The following DAB1 variants were observed in gnomAD, a reference collection of about 807,000 sequenced individuals.
DAB1 encodes DAB adaptor protein 1.
DAB1 carries 15 observed loss-of-function variants against 64.6 expected under a neutral mutation model. The ratio of observed to expected loss-of-function variants is 0.23; its 90% CI spans 0.16 to 0.36. The LOEUF is 0.36. Ranked by LOEUF, DAB1 falls within the 10% of genes least tolerant of loss-of-function variation. The probability of loss-of-function intolerance (pLI) is 1.00; values close to 1 mark genes in which losing one functional copy is unlikely to be tolerated. For missense variants in DAB1, 596 were observed against 706.7 expected (o/e 0.84, Z 1.78); for synonymous variants, 235 against 251.9 (o/e 0.93, Z 0.64).
chr1:57,688,009 A>G (rs1390281606), intron 6 of DAB1, among the ~76,000 whole-genome samples: 1 of 152,198 alleles, frequency 6.6e-6, no homozygotes, highest in Non-Finnish European at 1.5e-5. Context: ...CTTGACAAAT[A>G]ATTTTTGGCT....
At chr1:57,225,615 G>A (rs546527704) in intron 2 of DAB1, among the ~76,000 whole-genome samples, 1 of 152,212 alleles carries the variant, frequency 6.6e-6, no homozygotes, top group African/African-American at 2.4e-5. Context: ...GATGACAACA[G>A]ATAAATTCAA....
At chr1:57,238,170 C>T (rs1469929219) in intron 2 of DAB1, among the ~76,000 whole-genome samples, 4 of 152,154 alleles carry the variant, frequency 2.6e-5, no homozygotes, top group Non-Finnish European at 5.9e-5. Flanking sequence ...GTCCTTGGGC[C>T]AGCAGTATCA....
intron 7 of DAB1, among the ~76,000 whole-genome samples, chr1:57,508,580 AACC>A (rs928524458): frequency 7.2e-5 from 11 of 152,228 alleles, no homozygotes; most frequent in African/African-American, 2.7e-4. Context: ...ACTCTGTTGC[AACC>A]ACTAAACTCT....
At chr1:57,377,977 GA>G (rs1312299942) in intron 1 of DAB1, among the ~76,000 whole-genome samples, 1 of 152,206 alleles carries the variant, frequency 6.6e-6, no homozygotes, top group Non-Finnish European at 1.5e-5. Flanking sequence ...CAGCAATCCT[GA>G]AATGTGGGAG....
chr1:57,482,182 A>G (rs1570561038), intron 7 of DAB1, among the ~76,000 whole-genome samples: 1 of 152,268 alleles, frequency 6.6e-6, no homozygotes, highest in East Asian at 1.9e-4. Context: ...GGTGAGCCAC[A>G]CGAAATCTAA....
intron 5 of DAB1, among the ~76,000 whole-genome samples, chr1:58,118,550 C>CATATATATAAAATACATATATATATACAT (rs1557657908): frequency 3.0e-4 from 24 of 80,378 alleles, no homozygotes; most frequent in Admixed American, 6.0e-4. Context: ...CATATATATA[C>CATATATATAAAATACATATATATATACAT]ATATATATAA....
chr1:58,300,624 G>A lies in DAB1; in HGVS notation n.309+42728C>T, dbSNP rs1205294567. Among the ~76,000 whole-genome samples the A allele has an allele frequency of 8.0e-3, 338 of 42,124 alleles. 7 individuals are homozygous for A. Among genetic ancestry groups the A allele is most frequent in the African/African-American group, 0.012 (195 of 16,140 alleles). 27.6% of individuals were successfully genotyped at this position (42,124 alleles called of 152,430 possible). On this transcript the variant is annotated intron_variant and non_coding_transcript_variant, in intron 4 of 20. Transcript: ENST00000485760. Reference sequence around the variant, plus strand: ...AGAAAGAAAGAAAGAGAGAGAGAGAGAGAGAGAGAGAGAGAGAGAGAGAGG... The same window carrying A: ...AGAAAGAAAGAAAGAGAGAGAGAGAAAGAGAGAGAGAGAGAGAGAGAGAGG...
intron 10 of DAB1, among the ~76,000 whole-genome samples, chr1:57,025,349 G>A (rs1286592442): frequency 6.6e-6 from 1 of 152,178 alleles, no homozygotes; most frequent in Non-Finnish European, 1.5e-5. Context: ...CACTGACTGA[G>A]GTACACTGGC....
At chr1:57,693,651 C>A (rs1646790867) in intron 6 of DAB1, among the ~76,000 whole-genome samples, 1 of 152,188 alleles carries the variant, frequency 6.6e-6, no homozygotes, top group African/African-American at 2.4e-5. Flanking sequence ...ATAAATCTTG[C>A]TGCTGCTCAC....
At chr1:57,553,464 AAGG>A (rs1328014587) in intron 7 of DAB1, among the ~76,000 whole-genome samples, 4 of 28,466 alleles carry the variant, frequency 1.4e-4, no homozygotes, top group African/African-American at 2.9e-4. Flanking sequence ...AAGAAAGAGA[AAGG>A]GAAAGAAAGG....
intron 5 of DAB1, among the ~76,000 whole-genome samples, chr1:58,129,191 T>A (rs1056196841): frequency 6.6e-6 from 1 of 151,324 alleles, no homozygotes; most frequent in Non-Finnish European, 1.5e-5. Context: ...CTTGGGAGAC[T>A]GTATGTGTCC....
At chr1:57,765,869 G>A (rs755501482) in intron 6 of DAB1, among the ~76,000 whole-genome samples, 4 of 151,878 alleles carry the variant, frequency 2.6e-5, no homozygotes, top group Non-Finnish European at 4.4e-5. Context: ...GACCTCAAGT[G>A]ATCTGCCCAC....
At chr1:58,267,159 G>T (rs1661189069) in intron 4 of DAB1, among the ~76,000 whole-genome samples, 2 of 152,186 alleles carry the variant, frequency 1.3e-5, no homozygotes. Context: ...GGTGGAGGTT[G>T]CAGTGAGCTG....
chr1:57,059,544 T>C (rs1650169760), intron 9 of DAB1, among the ~76,000 whole-genome samples: 1 of 151,980 alleles, frequency 6.6e-6, no homozygotes, highest in Admixed American at 6.6e-5. Context: ...AGGCAAGGAT[T>C]TTCAGAGTAC....
intron 3 of DAB1, among the ~76,000 whole-genome samples, chr1:58,367,520 C>T (rs1030527103): frequency 6.6e-6 from 1 of 152,164 alleles, no homozygotes; most frequent in East Asian, 1.9e-4. Context: ...GCTGAATGTC[C>T]AATCTATAAA....
intron 3 of DAB1, among the ~76,000 whole-genome samples, chr1:58,365,999 C>T (rs1557740684): frequency 6.6e-6 from 1 of 152,136 alleles, no homozygotes. Flanking sequence ...GTACAAGAAA[C>T]AGGCCCTGGC....
intron 5 of DAB1, among the ~76,000 whole-genome samples, chr1:58,025,634 A>G (rs1646878689): frequency 8.1e-6 from 1 of 123,774 alleles, no homozygotes; most frequent in Admixed American, 9.4e-5. Flanking sequence ...TAAATATAAT[A>G]TTATATATAT....
At chr1:58,090,767 A>G (rs1046677130) in intron 5 of DAB1, among the ~76,000 whole-genome samples, 3 of 152,194 alleles carry the variant, frequency 2.0e-5, no homozygotes, top group African/African-American at 7.2e-5. Flanking sequence ...CCCAGTACAG[A>G]GTCACACAGG....
intron 5 of DAB1, among the ~76,000 whole-genome samples, chr1:58,144,770 G>T (rs114292969): frequency 6.6e-6 from 1 of 152,186 alleles, no homozygotes; most frequent in African/African-American, 2.4e-5. Flanking sequence ...GCCTGAATGA[G>T]AACACAAATG....
Sources: gnomAD v4.1 joint callset for allele counts (sites outside exome capture counted in the v4.1 genomes callset) on GRCh38, gnomAD v4.1.1 for gene constraint, MANE v1.5 for transcripts, NCBI Gene and HGNC (gene_info 2026-07-23, HGNC 2026-07-21) for gene names.